Variants in STX8 observed in about 807,000 individuals in gnomAD.
The protein encoded by STX8 is syntaxin-8.
Under a neutral mutation model 37.5 loss-of-function variants are expected in STX8, and 23 were observed. The ratio of observed to expected loss-of-function variants is 0.61; its 90% CI spans 0.44 to 0.87. STX8 has a LOEUF of 0.87. Among genes scored for constraint, STX8 ranks in the 40% least tolerant of loss-of-function variants. The probability of loss-of-function intolerance (pLI) is 0.00; values close to 1 mark genes in which losing one functional copy is unlikely to be tolerated. For missense variants in STX8, 313 were observed against 284.7 expected, an observed-to-expected ratio of 1.10 and a Z score of -0.71; for synonymous variants, 115 against 99.1, an observed-to-expected ratio of 1.16 and a Z score of -0.95.
Position 9,362,838 on chromosome 17 carries a change from A to AT in STX8, c.643+15713_643+15714insA, listed in dbSNP as rs1567798000. On this transcript the variant is annotated intron_variant, in intron 7 of 7. Coordinates refer to ENST00000306357, the MANE Select transcript of STX8 (RefSeq NM_004853.3). ...AGTGAGACTCCGTCTCAAAAAAAAAAAAAAATAAATAAATAAATAAATAAA... is the reference window on the plus strand; with the variant it reads ...AGTGAGACTCCGTCTCAAAAAAAAAATAAAAATAAATAAATAAATAAATAAA... Among the ~76,000 whole-genome samples the AT allele has an allele frequency of 2.8e-3, 417 of 146,504 alleles. 7 individuals carry two copies. Among genetic ancestry groups the AT allele is most frequent in the African/African-American group, 0.01 (402 of 39,412 alleles).
intron 7 of STX8, among the ~76,000 whole-genome samples, chr17:9,323,719 C>G (rs1415304291): frequency 6.6e-6 from 1 of 152,172 alleles, no homozygotes; most frequent in East Asian, 1.9e-4. Context: ...CTCCAGAATG[C>G]TCTAGACAAC....
intron 6 of STX8, among the ~76,000 whole-genome samples, chr17:9,480,543 ACT>A (rs567452930): frequency 1.8e-4 from 27 of 152,228 alleles, no homozygotes; most frequent in African/African-American, 6.0e-4. Context: ...AGTACAGGTG[ACT>A]CTCTAGGTCA....
chr17:9,419,357 G>A (rs985151783), intron 6 of STX8, among the ~76,000 whole-genome samples: 13 of 152,238 alleles, frequency 8.5e-5, no homozygotes, highest in Non-Finnish European at 1.3e-4. Flanking sequence ...GGACTGTATA[G>A]GCATAAGCCA....
intron 6 of STX8, among the ~76,000 whole-genome samples, chr17:9,425,186 G>A (rs1456365646): frequency 3.3e-5 from 5 of 152,090 alleles, no homozygotes; most frequent in African/African-American, 1.2e-4. Context: ...TAATCAGCTG[G>A]CTTTTTGTCT....
rs374380800 is a variant in STX8 at position 9,386,286 on chromosome 17, G to A, written c.542-7633C>T. On this transcript the variant is annotated intron_variant, in intron 6 of 7. Coordinates refer to ENST00000306357, the MANE Select transcript of STX8 (RefSeq NM_004853.3). ...TGAGCTACTCATGCATGCCACAACTGTCTAAATCTCAAAAAGTTTTGTTGG... is the reference window on the plus strand; with the variant it reads ...TGAGCTACTCATGCATGCCACAACTATCTAAATCTCAAAAAGTTTTGTTGG... Among the ~76,000 whole-genome samples the A allele has an allele frequency of 7.2e-4, 109 of 152,228 alleles. 1 individual carries two copies. The highest frequency in any genetic ancestry group is 2.3e-3 in the African/African-American group (96 of 41,546).
At chr17:9,391,901 T>C (rs557725378) in intron 6 of STX8, among the ~76,000 whole-genome samples, 1 of 152,198 alleles carries the variant, frequency 6.6e-6, no homozygotes, top group South Asian at 2.1e-4. Flanking sequence ...GTTCATGAAG[T>C]CCTGGATTCT....
chr17:9,290,478 A>G (rs1423355706), intron 7 of STX8, among the ~76,000 whole-genome samples: 2 of 152,232 alleles, frequency 1.3e-5, no homozygotes, highest in Non-Finnish European at 2.9e-5. Flanking sequence ...GCGTATACGC[A>G]CAAACACACA....
chr17:9,342,112 G>C (rs1295868930), intron 7 of STX8, among the ~76,000 whole-genome samples: 2 of 152,138 alleles, frequency 1.3e-5, no homozygotes, highest in Non-Finnish European at 2.9e-5. Context: ...TCGGGCATTA[G>C]AGTCTCATAA....
At chr17:9,299,851 T>C (rs1463090551) in intron 7 of STX8, among the ~76,000 whole-genome samples, 1 of 152,218 alleles carries the variant, frequency 6.6e-6, no homozygotes, top group African/African-American at 2.4e-5. Context: ...TTACTCTAAA[T>C]GTAATGTAAA....
Position 9,545,276 on chromosome 17 carries a change from C to G in STX8, c.219G>C (p.Gln73His). 6.2e-7 allele frequency: 1 copy of G among 1,611,932 alleles called. No homozygotes were observed. Among genetic ancestry groups the G allele is most frequent in the South Asian group, 1.1e-5 (1 of 90,884 alleles). The change falls in exon 4 of 8, where the codon CAG (glutamine) becomes CAC (histidine). Residue 73 changes from glutamine to histidine, a missense_variant. By Grantham distance (24) the Gln-to-His change is conservative. Transcript: ENST00000306357. ...GGTTCTGTCTTCGGTCCCCTTCAAG[C>G]TGTGTTCTGCAGATATCTTGTTAAG... ...LRAVSTHQIT[Q>H]LEGDRRQNLL...
chr17:9,380,254 G>GTTTTTTTTTT (rs34806016), intron 6 of STX8, among the ~76,000 whole-genome samples: 1 of 89,446 alleles, frequency 1.1e-5, no homozygotes, highest in African/African-American at 4.8e-5. Context: ...ATTTCTGTGT[G>GTTTTTTTTTT]TTTTTTTTTT....
intron 4 of STX8, among the ~76,000 whole-genome samples, chr17:9,519,755 C>T (rs558345906): frequency 2.6e-5 from 1 of 39,024 alleles, no homozygotes; most frequent in Non-Finnish European, 5.1e-5. Context: ...CAGACAAAGG[C>T]AAAACTTTCA....
chr17:9,427,307 C>A (rs1356942103), intron 6 of STX8, among the ~76,000 whole-genome samples: 2 of 152,274 alleles, frequency 1.3e-5, no homozygotes, highest in East Asian at 1.9e-4. Flanking sequence ...CTATGCACAA[C>A]AGTCTGAACC....
intron 7 of STX8, among the ~76,000 whole-genome samples, chr17:9,267,214 C>G (rs1907261171): frequency 6.6e-6 from 1 of 152,140 alleles, no homozygotes; most frequent in Non-Finnish European, 1.5e-5. Flanking sequence ...GTAAGGGACC[C>G]AATCCTCTAT....
intron 6 of STX8, among the ~76,000 whole-genome samples, chr17:9,409,814 T>C (rs7225776): frequency 0.019 from 2,932 of 152,302 alleles, 87 homozygotes; most frequent in African/African-American, 0.067. Flanking sequence ...AGGTCAGTGG[T>C]TCCTCCCTTG....
At chr17:9,423,608 A>G (rs1175306909) in intron 6 of STX8, among the ~76,000 whole-genome samples, 1 of 152,166 alleles carries the variant, frequency 6.6e-6, no homozygotes. Context: ...ACAGGTGAGA[A>G]CCACCGTGCC....
intron 6 of STX8, among the ~76,000 whole-genome samples, chr17:9,404,277 A>G (rs1912731456): frequency 6.6e-6 from 1 of 151,948 alleles, no homozygotes; most frequent in South Asian, 2.1e-4. Context: ...GTAGAAGGGG[A>G]GGCAGGAAAG....
intron 5 of STX8, among the ~76,000 whole-genome samples, chr17:9,503,151 C>T (rs900758146): frequency 5.1e-5 from 7 of 137,140 alleles, no homozygotes; most frequent in African/African-American, 1.6e-4. Context: ...ATACACATAA[C>T]CAGTTCAATG....
chr17:9,573,757 C>A (rs79274173), intron 1 of STX8, among the ~76,000 whole-genome samples: 3,658 of 152,228 alleles, frequency 0.024, 56 homozygotes, highest in South Asian at 0.035. Context: ...AATGAGAAAG[C>A]CACTTAGTCA....
Sources: allele counts gnomAD v4.1 joint callset (sites outside exome capture counted in the v4.1 genomes callset), GRCh38; gene constraint gnomAD v4.1.1; transcripts MANE v1.5; gene names NCBI Gene and HGNC (gene_info 2026-07-23, HGNC 2026-07-21).